Variants in SAMD5 observed in about 807,000 individuals in gnomAD.
The protein encoded by SAMD5 is sterile alpha motif domain containing 5, also known as sterile alpha motif domain-containing protein 5.
In SAMD5, 13 loss-of-function variants were observed where a neutral mutation model predicts 11.3. The observed-to-expected ratio is 1.15, with a 90% CI of 0.75 to 1.83. The LOEUF (loss-of-function observed/expected upper bound fraction) is 1.83. Among genes scored for constraint, SAMD5 ranks in the 40% most tolerant of loss-of-function variants. SAMD5 has a pLI of 0.00. For missense variants in SAMD5, 255 were observed against 239.1 expected (o/e 1.07, Z -0.44); for synonymous variants, 129 against 111.3 (o/e 1.16, Z -1.00).
chr6:147,953,640 G>A, the SAMD5 span: 121,748 of 152,238 alleles, frequency 0.8, 48,851 homozygotes, highest in Middle Eastern at 0.91. Context: ...ATAGAGTTAT[G>A]CTTATGCCCA....
At chr6:147,666,221 G>A (rs1347342404) in intron 1 of SAMD5, among the ~76,000 whole-genome samples, 1 of 152,228 alleles carries the variant, frequency 6.6e-6, no homozygotes, top group Admixed American at 6.5e-5. Flanking sequence ...ATAGGCGTGA[G>A]CCACCGCACC....
intron 1 of SAMD5, among the ~76,000 whole-genome samples, chr6:147,680,720 G>T (rs950038843): frequency 6.6e-6 from 1 of 152,030 alleles, no homozygotes; most frequent in African/African-American, 2.4e-5. Context: ...TATTAGGAAC[G>T]GATACTGGAT....
intron 1 of SAMD5, among the ~76,000 whole-genome samples, chr6:147,609,887 A>C (rs1407996892): frequency 1.3e-5 from 2 of 152,176 alleles, no homozygotes. Flanking sequence ...TCAAAGAAAA[A>C]TACTTGTCCT....
At chr6:147,653,051 A>G (rs534904008) in intron 1 of SAMD5, among the ~76,000 whole-genome samples, 70 of 152,286 alleles carry the variant, frequency 4.6e-4, no homozygotes, top group African/African-American at 1.3e-3. Flanking sequence ...TCCTGAAAGT[A>G]TAAATATACT....
the SAMD5 span, among the ~76,000 whole-genome samples, chr6:147,919,945 A>G: frequency 6.6e-6 from 1 of 152,330 alleles, no homozygotes; most frequent in African/African-American, 2.4e-5. Flanking sequence ...TTAGTATTAT[A>G]CATGGTTTTT....
chr6:147,713,038 C>T lies in SAMD5; in HGVS notation c.163-24279C>T, dbSNP rs76805511. 1.7e-3 allele frequency among the ~76,000 whole-genome samples: 256 copies of T among 152,220 alleles called. 3 individuals are homozygous for T. The highest frequency in any genetic ancestry group is 5.2e-3 in the African/African-American group (217 of 41,532). On this transcript the variant is annotated intron_variant, in intron 1 of 1. Coordinates refer to the SAMD5 transcript ENST00000566741. ...AAAAATGAAACAAAAGATCAGACCTCCTGAGTCATGGTCCAGAGCTTGTGA... is the reference window on the plus strand; with the variant it reads ...AAAAATGAAACAAAAGATCAGACCTTCTGAGTCATGGTCCAGAGCTTGTGA...
chr6:147,588,329 T>G (rs1562327572), intron 1 of SAMD5, among the ~76,000 whole-genome samples: 2 of 147,792 alleles, frequency 1.4e-5, no homozygotes, highest in Admixed American at 6.7e-5. Context: ...TTTTTTTTTT[T>G]TTGAGACGGA....
chr6:147,829,234 C>T, the SAMD5 span, among the ~76,000 whole-genome samples: 1 of 152,194 alleles, frequency 6.6e-6, no homozygotes, highest in Non-Finnish European at 1.5e-5. Context: ...CAAATACAGT[C>T]AGGTGATGGG....
At chr6:147,881,831 A>G in the SAMD5 span, among the ~76,000 whole-genome samples, 1 of 152,160 alleles carries the variant, frequency 6.6e-6, no homozygotes, top group Non-Finnish European at 1.5e-5. Flanking sequence ...CAACTGAGCT[A>G]TGAATTTAAC....
In SAMD5 at chr6:147,729,997, A is replaced by G; in HGVS notation, c.163-7320A>G. On this transcript the variant is annotated intron_variant, in intron 1 of 1. Transcript: ENST00000566741. ...CTACTCGGGAGGCTGAGGCAGAAGA[A>G]TTGCTTGAACCCGGGAGGTGGATGT... is the stretch of plus-strand genomic sequence containing the variant. The G allele has an allele frequency of 7.3e-6, 3 of 409,000 alleles. 1 individual carries two copies. The highest frequency in any genetic ancestry group is 5.4e-5 in the South Asian group (3 of 55,088). The allele number at this position is 409,000 out of a possible 1,614,324, so 25.3% of individuals were successfully genotyped here. A position where few individuals can be genotyped will look rare whatever the true frequency, so the allele number is the denominator to read the frequency against.
At chr6:147,555,659 C>T (rs1432250878) in intron 1 of SAMD5, among the ~76,000 whole-genome samples, 4 of 152,080 alleles carry the variant, frequency 2.6e-5, no homozygotes, top group African/African-American at 7.2e-5. Flanking sequence ...ATGACCAATA[C>T]ATGATACCAT....
At chr6:147,799,655 G>T in the SAMD5 span, among the ~76,000 whole-genome samples, 2 of 151,424 alleles carry the variant, frequency 1.3e-5, no homozygotes, top group Non-Finnish European at 2.9e-5. Context: ...ATAATATCCT[G>T]AAGAGTGTTT....
intron 1 of SAMD5, among the ~76,000 whole-genome samples, chr6:147,664,993 T>C (rs1264129105): frequency 2.0e-5 from 3 of 152,180 alleles, no homozygotes; most frequent in Non-Finnish European, 4.4e-5. Flanking sequence ...TCTCCCAAGA[T>C]TGTAAAGAAA....
At chr6:147,815,097 G>A in the SAMD5 span, among the ~76,000 whole-genome samples, 1 of 152,118 alleles carries the variant, frequency 6.6e-6, no homozygotes, top group African/African-American at 2.4e-5. Flanking sequence ...TAAGAAAATG[G>A]TTTGGGAGTT....
chr6:147,946,629 T>A, the SAMD5 span, among the ~76,000 whole-genome samples: 1 of 152,224 alleles, frequency 6.6e-6, no homozygotes, highest in Non-Finnish European at 1.5e-5. Context: ...ATTATTTAGG[T>A]ACTGGAGACT....
chr6:147,866,660 C>T, the SAMD5 span, among the ~76,000 whole-genome samples: 235 of 152,276 alleles, frequency 1.5e-3, no homozygotes, highest in Non-Finnish European at 2.5e-3. Flanking sequence ...AAATACTTAG[C>T]TCTCTCTTTT....
At chr6:147,515,656 GC>G (rs60925176) in intron 1 of SAMD5, among the ~76,000 whole-genome samples, 71,608 of 151,700 alleles carry the variant, frequency 0.47, 19,646 homozygotes, top group African/African-American at 0.77. Context: ...CTAAGCACAT[GC>G]CCATGTGCTA....
chr6:147,521,049 T>C (rs9399604), intron 1 of SAMD5, among the ~76,000 whole-genome samples: 6,094 of 152,244 alleles, frequency 0.04, 334 homozygotes, highest in East Asian at 0.18. Context: ...TTAATCCTAA[T>C]ACATATTCAA....
the SAMD5 span, among the ~76,000 whole-genome samples, chr6:147,773,264 T>C: frequency 6.6e-6 from 1 of 152,218 alleles, no homozygotes; most frequent in Non-Finnish European, 1.5e-5. Flanking sequence ...GGCCAGTTCA[T>C]GTTGTACCCT....
Sources: gnomAD v4.1 joint callset for allele counts (sites outside exome capture counted in the v4.1 genomes callset) on GRCh38, gnomAD v4.1.1 for gene constraint, MANE v1.5 for transcripts, NCBI Gene and HGNC (gene_info 2026-07-23, HGNC 2026-07-21) for gene names.